The following POLR2C variants were observed in gnomAD, a reference collection of about 807,000 sequenced individuals.
POLR2C encodes the protein RNA polymerase II subunit C.
In POLR2C, 36 loss-of-function variants were observed where a neutral mutation model predicts 41.7. The observed-to-expected ratio is 0.86, with a 90% confidence interval of 0.66 to 1.14. POLR2C has a LOEUF of 1.14. Among genes scored for constraint, POLR2C ranks in the 50% most tolerant of loss-of-function variants. The pLI is 0.00. For missense variants in POLR2C, 260 were observed against 350.4 expected (o/e 0.74, Z 2.06); for synonymous variants, 133 against 137.8 (o/e 0.96, Z 0.25).
In POLR2C at chr16:57,465,905, A is replaced by T. The variant is rs370982988; in HGVS notation, c.137-48A>T. ...TTGAGAACCACTGCATTAAGTCTGT[A>T]GGTAAATTTGATGGCTAAACTCCAT... On this transcript the variant is annotated intron_variant, in intron 2 of 8. Transcript: ENST00000219252. 25 of 1,124,476 alleles carry T rather than the reference A, an allele frequency of 2.2e-5. No individual in the cohort carries two copies. In the African/African-American group the frequency reaches 3.7e-4, roughly 17 times the overall value. The allele number at this position is 1,124,476 out of a possible 1,614,324, so 69.7% of individuals were successfully genotyped here. A position where few individuals can be genotyped will look rare whatever the true frequency, so the allele number is the denominator to read the frequency against.
intron 2 of POLR2C, chr16:57,463,279 C>T (rs1010243446): frequency 1.1e-5 from 7 of 624,944 alleles, no homozygotes; most frequent in Non-Finnish European, 2.0e-5. Flanking sequence ...CACTTAGGTC[C>T]ACCCTTGTCC....
intron 8 of POLR2C, 172 bp downstream of exon 8, chr16:57,470,526 T>G (rs2030809261): frequency 1.7e-6 from 1 of 585,360 alleles, no homozygotes; most frequent in South Asian, 2.1e-5. Context: ...GGGCAGGTCG[T>G]CAGCCCCTTT....
rs770973035 is a variant in POLR2C at position 57,464,030 on chromosome 16, T to TAAG, written c.136+952_136+953insAAG. ...GATTTCGTTCGTTCTTATGGCTGCA[T>TAAG]CACTTACTGCTTTTGTGAAACTTGG... On this transcript the variant is annotated intron_variant, in intron 2 of 8. Transcript: ENST00000219252. 233 of 159,418 alleles carry TAAG rather than the reference T, an allele frequency of 1.5e-3. 2 individuals carry two copies. The highest frequency in any genetic ancestry group is 1.0e-3 in the South Asian group (7 of 6,798). 9.9% of individuals were successfully genotyped at this position (159,418 alleles called of 1,614,324 possible).
intron 8 of POLR2C, among the ~76,000 whole-genome samples, chr16:57,470,633 A>G (rs2030811689): frequency 6.6e-6 from 1 of 152,198 alleles, no homozygotes; most frequent in Admixed American, 6.5e-5. Flanking sequence ...CGCTAGGGGC[A>G]GAGATTTGGA....
Position 57,469,718 on chromosome 16 carries a change from C to T in POLR2C, c.396C>T (p.Ser132=). The change falls in exon 6 of 9, where the codon TCC becomes TCT. Residue 132 remains serine (S), a synonymous_variant. Transcript: ENST00000219252. The surrounding 1 kb of genome is among the most constrained non-coding windows in gnomAD (Gnocchi z 5.8). Reference sequence around the variant, plus strand: ...TGGTGGACTCCCTACAGGTGACATCCCGGAACCGAGATAATGACCCCAATG... The same window carrying T: ...TGGTGGACTCCCTACAGGTGACATCTCGGAACCGAGATAATGACCCCAATG... The part of the protein sequence containing the change: ...SNSPRVIPVT[S]RNRDNDPNDY... The T allele has an allele frequency of 1.2e-6, 2 of 1,613,592 alleles. No homozygotes were observed. The highest frequency in any genetic ancestry group is 2.2e-5 in the South Asian group (2 of 91,082).
rs1313657887 is a variant in POLR2C, at chr16:57,471,788, C to T, written c.*669C>T. 1 of 151,062 alleles carries T rather than the reference C, an allele frequency of 6.6e-6. No individual in the cohort carries two copies. The highest frequency in any genetic ancestry group is 2.1e-4 in the South Asian group (1 of 4,832). The allele number at this position is 151,062 out of a possible 1,614,324, so 9.4% of individuals were successfully genotyped here. On this transcript the variant is annotated 3_prime_UTR_variant, in exon 9 of 9. Coordinates refer to ENST00000219252, the MANE Select transcript of POLR2C (RefSeq NM_032940.3). Reference sequence around the variant, plus strand: ...GGAAGCAGCCGCAGGAGCAAGGGCCCCTCCCACATACACAGGAGGAGTATT... The same window carrying T: ...GGAAGCAGCCGCAGGAGCAAGGGCCTCTCCCACATACACAGGAGGAGTATT...
rs754593806 is a variant in POLR2C, at chr16:57,469,162, T to C, written c.259-3T>C. The C allele has an allele frequency of 6.2e-7, 1 of 1,611,380 alleles. No homozygotes were observed. The highest frequency in any genetic ancestry group is 1.4e-5 in the African/African-American group (1 of 73,192). ...CTCATTCCTGCTTCCCTTCCTGCCT[T>C]AGGACTGCACATGTGAGGAGTTCTG... is the stretch of plus-strand genomic sequence containing the variant. On this transcript the variant is annotated splice_polypyrimidine_tract_variant and splice_region_variant and intron_variant, in intron 4 of 8. Coordinates refer to ENST00000219252, the MANE Select transcript of POLR2C (RefSeq NM_032940.3). The surrounding 1 kb of genome is among the most constrained non-coding windows in gnomAD (Gnocchi z 5.8).
chr16:57,466,330 T>G, intron 4 of POLR2C, 103 bp downstream of exon 4: 3 of 772,454 alleles, frequency 3.9e-6, no homozygotes, highest in Non-Finnish European at 6.6e-6. Flanking sequence ...ACTGTTGTAG[T>G]TCTGGAACAA....
At position 57,462,696 on chromosome 16, in the gene POLR2C, G is replaced by T; in HGVS notation, c.-29G>T. Reference sequence around the variant, plus strand: ...GGCGCCGCGCAGTCACCGCGGAGCAGACGCGGAGGCTGGTGGCCCCTGGGC... The same window carrying T: ...GGCGCCGCGCAGTCACCGCGGAGCATACGCGGAGGCTGGTGGCCCCTGGGC... On this transcript the variant is annotated 5_prime_UTR_variant, in exon 1 of 9. Coordinates refer to ENST00000219252, the MANE Select transcript of POLR2C (RefSeq NM_032940.3). 1 of 1,549,898 alleles carries T rather than the reference G, an allele frequency of 6.5e-7. No individual in the cohort carries two copies. Among genetic ancestry groups the T allele is most frequent in the Non-Finnish European group, 8.8e-7 (1 of 1,139,052 alleles).
At position 57,469,839 on chromosome 16, in the gene POLR2C, C is replaced by T; in HGVS notation, c.439+78C>T. ...CACAGCCTCTCGTGCTGCCTGGTCTCCTCGAAAATTGGCTTTAGACCGTTT... is the reference window on the plus strand; with the variant it reads ...CACAGCCTCTCGTGCTGCCTGGTCTTCTCGAAAATTGGCTTTAGACCGTTT... On this transcript the variant is annotated intron_variant, in intron 6 of 8. Coordinates refer to ENST00000219252, the MANE Select transcript of POLR2C (RefSeq NM_032940.3). The surrounding 1 kb of genome is among the most constrained non-coding windows in gnomAD (Gnocchi z 5.8). 1.9e-6 allele frequency: 3 copies of T among 1,572,762 alleles called. No individual in the cohort carries two copies. Among genetic ancestry groups the T allele is most frequent in the Non-Finnish European group, 2.6e-6 (3 of 1,142,700 alleles).
rs552459778 is a variant in POLR2C at position 57,470,500 on chromosome 16, T to C, written c.683+146T>C. The C allele has an allele frequency of 3.2e-5, 20 of 632,988 alleles. No homozygotes were observed. In the South Asian group the frequency reaches 3.3e-4, roughly 10 times the overall value. 39.2% of individuals were successfully genotyped at this position (632,988 alleles called of 1,614,324 possible). ...GCTGACTGCTAAACTAGACCTGTGG[T>C]ATGTGCACATCCCAGGGGCAGGTCG... On this transcript the variant is annotated intron_variant, in intron 8 of 8. Coordinates refer to ENST00000219252, the MANE Select transcript of POLR2C (RefSeq NM_032940.3).
At chr16:57,470,855 C>A in intron 8 of POLR2C, 120 bp from the exon 9 acceptor site, 1 of 945,774 alleles carries the variant, frequency 1.1e-6, no homozygotes, top group Non-Finnish European at 1.6e-6. Context: ...AGCCCTGGCC[C>A]AAGGTCAAGT....
intron 2 of POLR2C, chr16:57,463,637 C>T: frequency 2.2e-6 from 1 of 454,822 alleles, no homozygotes; most frequent in Non-Finnish European, 4.4e-6. Context: ...GTTTTCTGTT[C>T]CTGTGTTAAT....
rs1434540484 is a variant in POLR2C at position 57,471,772 on chromosome 16, C to T, written c.*653C>T. The T allele has an allele frequency of 7.1e-6, 1 of 140,540 alleles. No individual in the cohort carries two copies. The highest frequency in any genetic ancestry group is 1.5e-5 in the Non-Finnish European group (1 of 64,824). 8.7% of individuals were successfully genotyped at this position (140,540 alleles called of 1,614,324 possible). A position where few individuals can be genotyped will look rare whatever the true frequency, so the allele number is the denominator to read the frequency against. On this transcript the variant is annotated 3_prime_UTR_variant, in exon 9 of 9. Coordinates refer to ENST00000219252, the MANE Select transcript of POLR2C (RefSeq NM_032940.3). ...GGGTGGGGGTGGGGGTGGAAGCAGC[C>T]GCAGGAGCAAGGGCCCCTCCCACAT...
At chr16:57,470,676 A>G (rs1567584693) in intron 8 of POLR2C, among the ~76,000 whole-genome samples, 1 of 152,234 alleles carries the variant, frequency 6.6e-6, no homozygotes, top group Non-Finnish European at 1.5e-5. Flanking sequence ...TGAAAGGTCT[A>G]TCACTGGTCA....
In POLR2C at chr16:57,470,271, T is replaced by A; in HGVS notation, c.609-9T>A. The A allele has an allele frequency of 6.2e-7, 1 of 1,610,806 alleles. No homozygotes were observed. Among genetic ancestry groups the A allele is most frequent in the South Asian group, 1.1e-5 (1 of 90,960 alleles). On this transcript the variant is annotated splice_polypyrimidine_tract_variant and intron_variant, in intron 7 of 8. Transcript: ENST00000219252. ...TGGCAACCTTGTGCTGACCTGTGTT[T>A]GACCTCAGGCCAAAGAGTGAGTACT...
At chr16:57,463,595 C>A in intron 2 of POLR2C, 1 of 448,676 alleles carries the variant, frequency 2.2e-6, no homozygotes, top group Non-Finnish European at 4.5e-6. Flanking sequence ...TATGTCCGTG[C>A]GTACCCAGTT....
chr16:57,462,816 G>A lies in POLR2C; in HGVS notation c.86+6G>A. ...ATCGAGAACACCGACCTGGCGTAAG[G>A]CTACCGAGGGAAGAGGCTGGCGGCT... On this transcript the variant is annotated splice_donor_region_variant and intron_variant, in intron 1 of 8. Transcript: ENST00000219252. The A allele has an allele frequency of 6.2e-7, 1 of 1,601,532 alleles. No individual in the cohort carries two copies.
At chr16:57,470,728 T>C (rs1263932193) in intron 8 of POLR2C, among the ~76,000 whole-genome samples, 3 of 152,246 alleles carry the variant, frequency 2.0e-5, no homozygotes, top group African/African-American at 7.2e-5. Context: ...GGGGCATGCA[T>C]ACATACAGAA....
Sources: gnomAD v4.1 joint callset for allele counts (sites outside exome capture counted in the v4.1 genomes callset) on GRCh38, gnomAD v4.1.1 for gene constraint, Gnocchi (gnomAD v3.1) non-coding constraint, MANE v1.5 for transcripts, NCBI Gene and HGNC (gene_info 2026-07-23, HGNC 2026-07-21) for gene names.